The following NXF1 variants were observed in gnomAD, a reference collection of about 807,000 sequenced individuals.
NXF1 encodes nuclear RNA export factor 1, also known as mRNA export factor TAP.
NXF1 carries 43 observed loss-of-function variants against 92.4 expected under a neutral mutation model. The ratio of observed to expected loss-of-function variants is 0.47; its 90% CI spans 0.36 to 0.60. The LOEUF (loss-of-function observed/expected upper bound fraction) is 0.60. Ranked by LOEUF, NXF1 falls within the 20% of genes least tolerant of loss-of-function variation. The probability of loss-of-function intolerance (pLI) is 0.00; values close to 1 mark genes in which losing one functional copy is unlikely to be tolerated. For synonymous variants in NXF1, 288 were observed against 292.2 expected (o/e 0.99, Z 0.15); for missense variants, 576 against 793.0 (o/e 0.73, Z 3.29).
At chr11:62,793,723 C>T (rs1294321478) in intron 19 of NXF1, among the ~76,000 whole-genome samples, 1 of 149,926 alleles carries the variant, frequency 6.7e-6, no homozygotes, top group African/African-American at 2.5e-5. Flanking sequence ...GTGCCTCATG[C>T]CTGTAATCCC....
intron 1 of NXF1, 80 bp downstream of exon 1, chr11:62,805,248 GC>G: frequency 7.1e-7 from 1 of 1,401,302 alleles, no homozygotes; most frequent in Non-Finnish European, 9.4e-7. Context: ...GCGGCCTCAC[GC>G]CCCGGGGGCT....
rs1341227102 is a variant in NXF1 at position 62,801,672 on chromosome 11, TG to T, written c.640-42del. 7 of 1,601,748 alleles carry T rather than the reference TG, an allele frequency of 4.4e-6. No homozygotes were observed. The South Asian group carries it at 7.7e-5, about 18-fold the overall frequency. On this transcript the variant is annotated intron_variant, in intron 6 of 20. Coordinates refer to ENST00000294172, the MANE Select transcript of NXF1 (RefSeq NM_006362.5). The stretch of plus-strand genomic sequence containing the variant: ...GGGTTTAGTGGTCACTGGGTTTGTG[TG>T]TGGGGGGTGGGGGTGTGAGAAGTAG...
At chr11:62,802,614 T>C (rs1340774465) in intron 3 of NXF1, among the ~76,000 whole-genome samples, 1 of 152,088 alleles carries the variant, frequency 6.6e-6, no homozygotes, top group Non-Finnish European at 1.5e-5. Flanking sequence ...ATTTTAAAAT[T>C]TTCTGTAGAG....
At chr11:62,803,390 T>G (rs200532224) in intron 3 of NXF1, 29 bp downstream of exon 3, 1 of 1,605,124 alleles carries the variant, frequency 6.2e-7, no homozygotes, top group Non-Finnish European at 8.5e-7. Flanking sequence ...CTATCTCTAC[T>G]GTACCATCTA....
At chr11:62,797,903 G>C (rs2084437564) in intron 11 of NXF1, among the ~76,000 whole-genome samples, 1 of 152,024 alleles carries the variant, frequency 6.6e-6, no homozygotes, top group Non-Finnish European at 1.5e-5. Context: ...CAAGGTGGAT[G>C]GATTAGTTGA....
At chr11:62,792,605 T>G (rs1360817086) in intron 20 of NXF1, 36 bp downstream of exon 20, 1 of 1,613,918 alleles carries the variant, frequency 6.2e-7, no homozygotes, top group African/African-American at 1.3e-5. Context: ...GGCCCAGAGA[T>G]CCTAGTCTTT....
At chr11:62,799,189 G>C in intron 10 of NXF1, 1 of 985,530 alleles carries the variant, frequency 1.0e-6, no homozygotes, top group Non-Finnish European at 1.2e-6. Context: ...AAAAGAGAAA[G>C]AACTACAAGG....
rs1040197600 is a variant in NXF1, at chr11:62,801,623, C to T, written c.648G>A (p.Met216Ile). The T allele has an allele frequency of 6.2e-7, 1 of 1,612,680 alleles. No individual in the cohort carries two copies. Among genetic ancestry groups the T allele is most frequent in the South Asian group, 1.1e-5 (1 of 90,996 alleles). Reference sequence around the variant, plus strand: ...GTTGGGAGCCATCGTATCGTTTGCTCATGATCAGCTAGAGGAAAAAGAAGG... The same window carrying T: ...GTTGGGAGCCATCGTATCGTTTGCTTATGATCAGCTAGAGGAAAAAGAAGG... ...PEQVEQLKLI[M>I]SKRYDGSQQA... is the part of the protein sequence containing the mutation. The change falls in exon 7 of 21, where the codon ATG becomes ATA. Residue 216 changes from methionine to isoleucine, a missense_variant. By Grantham distance (10) the Met-to-Ile change is conservative. This residue lies in a region of NXF1 where 425 missense variants were observed against 635.2 expected (regional missense o/e 0.67). Transcript: ENST00000294172.
rs2084373128 is a variant in NXF1 at position 62,792,360 on chromosome 11, T to A, written c.*116A>T. The stretch of plus-strand genomic sequence containing the variant: ...GAGGGATCAGGCAGCCCTCCCTCCC[T>A]CGGTCACAGTCACGGGGCGGCCTCG... On this transcript the variant is annotated 3_prime_UTR_variant, in exon 21 of 21. Coordinates refer to ENST00000294172, the MANE Select transcript of NXF1 (RefSeq NM_006362.5). 2.3e-6 allele frequency: 3 copies of A among 1,284,802 alleles called. No homozygotes were observed. Among genetic ancestry groups the A allele is most frequent in the Admixed American group, 3.4e-5 (2 of 59,290 alleles). The allele number at this position is 1,284,802 out of a possible 1,614,324, so 79.6% of individuals were successfully genotyped here.
In NXF1 at chr11:62,803,678, G is replaced by A. The variant is rs115702320; in HGVS notation, c.216-106C>T. 5.8e-4 allele frequency: 891 copies of A among 1,537,612 alleles called. 3 individuals are homozygous for A. In the African/African-American group the frequency reaches 9.3e-3, roughly 16 times the overall value. On this transcript the variant is annotated intron_variant, in intron 2 of 20. Coordinates refer to ENST00000294172, the MANE Select transcript of NXF1 (RefSeq NM_006362.5). The stretch of plus-strand genomic sequence containing the variant: ...ACAACTAAGACTGTTTAATCACTAA[G>A]CTAGTCCTGGCATTTCTCACTCTAA...
chr11:62,802,290 AATG>A, intron 3 of NXF1, 30 bp from the exon 4 acceptor site: 1 of 1,583,370 alleles, frequency 6.3e-7, no homozygotes, highest in Non-Finnish European at 8.7e-7. Context: ...AAAAGAAGGG[AATG>A]ATAAGTAAGG....
chr11:62,795,291 C>T (rs2084408647), intron 17 of NXF1: 1 of 304,354 alleles, frequency 3.3e-6, no homozygotes, highest in East Asian at 5.8e-5. Flanking sequence ...TCCTGTCCAA[C>T]ATGGCGAAAC....
chr11:62,792,569 C>G, intron 20 of NXF1, 55 bp from the exon 21 acceptor site: 1 of 1,613,494 alleles, frequency 6.2e-7, no homozygotes, highest in Non-Finnish European at 8.5e-7. Flanking sequence ...CTCAGCAACC[C>G]CACTCAGCTA....
intron 8 of NXF1, 31 bp from the exon 9 acceptor site, chr11:62,801,232 C>G (rs1257129467): frequency 3.1e-6 from 5 of 1,607,892 alleles, no homozygotes; most frequent in Non-Finnish European, 4.3e-6. Flanking sequence ...AGAGGAGGCA[C>G]CACCAGCAAG....
chr11:62,800,600 TTTTTC>T, intron 9 of NXF1, 114 bp from the exon 10 acceptor site: 1 of 662,380 alleles, frequency 1.5e-6, no homozygotes, highest in Non-Finnish European at 2.5e-6. Flanking sequence ...CTTTTAAAAT[TTTTTC>T]TTTTTTTTTT....
intron 14 of NXF1, 21 bp from the exon 15 acceptor site, chr11:62,796,366 G>A: frequency 6.2e-7 from 1 of 1,614,060 alleles, no homozygotes; most frequent in Non-Finnish European, 8.5e-7. Flanking sequence ...AAAAGGAATG[G>A]ACGTGGTGTT....
At chr11:62,792,837 A>T in intron 19 of NXF1, 136 bp from the exon 20 acceptor site, 1 of 694,610 alleles carries the variant, frequency 1.4e-6, no homozygotes, top group Non-Finnish European at 2.5e-6. Context: ...TATACAAATG[A>T]GACATTAGTA....
chr11:62,792,194 A>T lies in NXF1; in HGVS notation c.*282T>A, dbSNP rs574675649. The T allele has an allele frequency of 1.6e-6, 1 of 642,572 alleles. No individual in the cohort carries two copies. Among genetic ancestry groups the T allele is most frequent in the Non-Finnish European group, 2.7e-6 (1 of 374,082 alleles). The allele number at this position is 642,572 out of a possible 1,614,324, so 39.8% of individuals were successfully genotyped here. A position where few individuals can be genotyped will look rare whatever the true frequency, so the allele number is the denominator to read the frequency against. On this transcript the variant is annotated 3_prime_UTR_variant, in exon 21 of 21. Transcript: ENST00000294172. ...AATACAACATCACTCTTTATATTAAAAAGTAAGGAGGTCCTGGGGTTAAGT... is the reference window on the plus strand; with the variant it reads ...AATACAACATCACTCTTTATATTAATAAGTAAGGAGGTCCTGGGGTTAAGT...
At chr11:62,805,299 C>G in intron 1 of NXF1, 30 bp downstream of exon 1, 1 of 1,593,492 alleles carries the variant, frequency 6.3e-7, no homozygotes, top group Non-Finnish European at 8.5e-7. Context: ...CCCCAGATAG[C>G]CAGTTCCCGA....
Sources: allele counts gnomAD v4.1 joint callset (sites outside exome capture counted in the v4.1 genomes callset), GRCh38; gene constraint gnomAD v4.1.1; regional missense constraint gnomAD v4.1.1; transcripts MANE v1.5; gene names NCBI Gene and HGNC (gene_info 2026-07-23, HGNC 2026-07-21).